PLXNC1: variants seen among roughly 807,000 people sequenced by gnomAD.
PLXNC1 encodes the protein plexin C1.
In PLXNC1, 75 loss-of-function variants were observed where a neutral mutation model predicts 178.2. The observed-to-expected ratio is 0.42, with a 90% CI of 0.35 to 0.51. The LOEUF (loss-of-function observed/expected upper bound fraction) is 0.51. Among genes scored for constraint, PLXNC1 ranks in the 20% least tolerant of loss-of-function variants. The pLI is 0.02. For missense variants in PLXNC1, 1,503 were observed against 1,984.4 expected, an observed-to-expected ratio of 0.76 and a Z score of 4.61; for synonymous variants, 790 against 779.9, an observed-to-expected ratio of 1.01 and a Z score of -0.22.
intron 12 of PLXNC1, 109 bp downstream of exon 12, chr12:94,244,134 A>C (rs1290960872): frequency 1.7e-6 from 1 of 573,428 alleles, no homozygotes; most frequent in East Asian, 2.8e-5. Context: ...TTGGTGTTAT[A>C]AACTTTTACC....
chr12:94,224,215 C>T lies in PLXNC1; in HGVS notation c.1703-13C>T. 1 of 1,508,712 alleles carries T rather than the reference C, an allele frequency of 6.6e-7. No homozygotes were observed. The highest frequency in any genetic ancestry group is 9.2e-7 in the Non-Finnish European group (1 of 1,083,960). 93.5% of individuals were successfully genotyped at this position (1,508,712 alleles called of 1,614,324 possible). On this transcript the variant is annotated splice_polypyrimidine_tract_variant and intron_variant, in intron 6 of 30. Transcript: ENST00000258526. ...ACTCCACCGTAAATGACATTTTCCC[C>T]CCTTCCCTCCAGATGTTTCAGTTGT...
At chr12:94,177,032 A>T (rs1170932331) in intron 2 of PLXNC1, among the ~76,000 whole-genome samples, 1 of 148,714 alleles carries the variant, frequency 6.7e-6, no homozygotes, top group Non-Finnish European at 1.5e-5. Context: ...TGCTACAATG[A>T]ATATATGTCA....
rs1969061436 is a variant in PLXNC1 at position 94,306,738 on chromosome 12, A to G, written c.*1453A>G. 2.0e-5 allele frequency: 3 copies of G among 152,158 alleles called. No homozygotes were observed. The highest frequency in any genetic ancestry group is 2.0e-4 in the Admixed American group (3 of 15,232). The allele number at this position is 152,158 out of a possible 1,614,324, so 9.4% of individuals were successfully genotyped here. On this transcript the variant is annotated 3_prime_UTR_variant, in exon 31 of 31. Transcript: ENST00000258526. Reference sequence around the variant, plus strand: ...TAAATATGAATTTGTCTTAAAGGCAATTCCTTTTTGCTTCTGTATTATCTG... The same window carrying G: ...TAAATATGAATTTGTCTTAAAGGCAGTTCCTTTTTGCTTCTGTATTATCTG...
chr12:94,294,893 C>T (rs977907327), intron 24 of PLXNC1, among the ~76,000 whole-genome samples: 1 of 152,136 alleles, frequency 6.6e-6, no homozygotes, highest in East Asian at 1.9e-4. Flanking sequence ...AGAGTACAGA[C>T]AATCATCACA....
chr12:94,261,407 G>T, intron 20 of PLXNC1, among the ~76,000 whole-genome samples: 1 of 152,176 alleles, frequency 6.6e-6, no homozygotes, highest in Non-Finnish European at 1.5e-5. Context: ...AAGAGGGTGG[G>T]CCCTAAAGTC....
chr12:94,304,087 A>G, intron 30 of PLXNC1, 36 bp downstream of exon 30: 2 of 1,262,130 alleles, frequency 1.6e-6, no homozygotes, highest in Non-Finnish European at 2.3e-6. Context: ...TAACCTTTGA[A>G]TCAGGCACAA....
intron 6 of PLXNC1, among the ~76,000 whole-genome samples, chr12:94,222,678 T>G (rs1179404895): frequency 2.0e-5 from 3 of 152,162 alleles, no homozygotes; most frequent in African/African-American, 4.8e-5. Context: ...TTCATTTCCT[T>G]GTGATATTTC....
Position 94,226,668 on chromosome 12 carries a change from C to T in PLXNC1, c.1854C>T (p.Pro618=). 1.2e-6 allele frequency: 2 copies of T among 1,613,718 alleles called. No homozygotes were observed. Among genetic ancestry groups the T allele is most frequent in the Non-Finnish European group, 1.7e-6 (2 of 1,179,672 alleles). The change falls in exon 8 of 31, where the codon CCC becomes CCT. Residue 618 remains proline (P), a synonymous_variant. Coordinates refer to ENST00000258526, the MANE Select transcript of PLXNC1 (RefSeq NM_005761.3). ...WCKSARRCIH[P]FTACDPSDYE... is the part of the protein sequence containing the mutation. ...AAAGTGCAAGAAGGTGTATCCACCC[C>T]TTCACAGCTTGCGACCCTTCTGATT...
intron 15 of PLXNC1, among the ~76,000 whole-genome samples, chr12:94,253,990 A>C (rs1964771964): frequency 6.6e-6 from 1 of 152,204 alleles, no homozygotes; most frequent in Admixed American, 6.5e-5. Context: ...TAATTTCTAT[A>C]AGGAGGAGAA....
Position 94,304,111 on chromosome 12 carries a change from G to A in PLXNC1, c.4602+60G>A. 7 of 1,083,638 alleles carry A rather than the reference G, an allele frequency of 6.5e-6. No individual in the cohort carries two copies. The South Asian group carries it at 8.4e-5, about 13-fold the overall frequency. 67.1% of individuals were successfully genotyped at this position (1,083,638 alleles called of 1,614,324 possible). A position where few individuals can be genotyped will look rare whatever the true frequency, so the allele number is the denominator to read the frequency against. Reference sequence around the variant, plus strand: ...AATCAGGCACAAGGATGTGGTTATAGCATTCTGTCAGTTTCAGAACAGCTC... The same window carrying A: ...AATCAGGCACAAGGATGTGGTTATAACATTCTGTCAGTTTCAGAACAGCTC... On this transcript the variant is annotated intron_variant, in intron 30 of 30. Coordinates refer to ENST00000258526, the MANE Select transcript of PLXNC1 (RefSeq NM_005761.3).
At position 94,156,477 on chromosome 12, in the gene PLXNC1, C is replaced by CTTT. The variant is rs33995488; in HGVS notation, c.1062+6457_1062+6459dup. 6.7e-4 allele frequency among the ~76,000 whole-genome samples: 94 copies of CTTT among 140,162 alleles called. 2 individuals carry two copies. Among genetic ancestry groups the CTTT allele is most frequent in the South Asian group, 6.5e-3 (29 of 4,458 alleles). 92.0% of individuals were successfully genotyped at this position (140,162 alleles called of 152,430 possible). A position where few individuals can be genotyped will look rare whatever the true frequency, so the allele number is the denominator to read the frequency against. On this transcript the variant is annotated intron_variant, in intron 1 of 30. Transcript: ENST00000258526. The stretch of plus-strand genomic sequence containing the variant: ...GCCTGCCTTGATCCCCACTGTCTAT[C>CTTT]TTTTTTTTTTTTTTTCTTGAAACAG...
At chr12:94,301,337 T>C (rs1294781909) in intron 28 of PLXNC1, among the ~76,000 whole-genome samples, 2 of 152,224 alleles carry the variant, frequency 1.3e-5, no homozygotes, top group Non-Finnish European at 2.9e-5. Context: ...TAGAAAAATA[T>C]TCTATGGACA....
chr12:94,227,044 A>G (rs1199968879), intron 8 of PLXNC1, 105 bp from the exon 9 acceptor site: 31 of 837,926 alleles, frequency 3.7e-5, no homozygotes, highest in Non-Finnish European at 4.4e-5. Context: ...GGTTTAACCA[A>G]AAATAAATGT....
chr12:94,159,854 C>G (rs1430773053), intron 1 of PLXNC1, among the ~76,000 whole-genome samples: 1 of 152,078 alleles, frequency 6.6e-6, no homozygotes, highest in Non-Finnish European at 1.5e-5. Context: ...GCAGTGGTGA[C>G]AAATATGGAG....
chr12:94,263,279 G>A (rs1965052975), intron 20 of PLXNC1, among the ~76,000 whole-genome samples: 1 of 151,776 alleles, frequency 6.6e-6, no homozygotes, highest in Non-Finnish European at 1.5e-5. Context: ...TGGCAGCTCT[G>A]TAGGTCTAGA....
intron 4 of PLXNC1, among the ~76,000 whole-genome samples, chr12:94,188,060 G>A (rs1592746727): frequency 1.3e-5 from 2 of 152,034 alleles, no homozygotes; most frequent in Non-Finnish European, 1.5e-5. Context: ...AAAGAAAGGA[G>A]GAGGAAGTGA....
chr12:94,149,589 G>T lies in PLXNC1; in HGVS notation c.618G>T (p.Ala206=), dbSNP rs756300206. 32 of 1,572,738 alleles carry T rather than the reference G, an allele frequency of 2.0e-5. No individual in the cohort carries two copies. ...CATCCGACCACGACACGGCCATCGC[G>T]CTCAAGGACACGGAGGGGCGCAGCC... ...PAASDHDTAI[A]LKDTEGRSLA... Residue 206 remains alanine (A), a synonymous_variant, in exon 1 of 31, where the codon GCG becomes GCT. Coordinates refer to ENST00000258526, the MANE Select transcript of PLXNC1 (RefSeq NM_005761.3).
intron 7 of PLXNC1, among the ~76,000 whole-genome samples, chr12:94,224,945 A>G (rs1274459075): frequency 6.6e-6 from 1 of 152,170 alleles, no homozygotes; most frequent in Non-Finnish European, 1.5e-5. Context: ...TCTGATTGGA[A>G]TGGCTTCGGG....
chr12:94,177,306 A>G (rs1360654456), intron 2 of PLXNC1, among the ~76,000 whole-genome samples: 1 of 147,548 alleles, frequency 6.8e-6, no homozygotes, highest in Non-Finnish European at 1.5e-5. Flanking sequence ...TGTAATTTTG[A>G]TAGATGATGC....
Sources: allele counts gnomAD v4.1 joint callset (sites outside exome capture counted in the v4.1 genomes callset), GRCh38; gene constraint gnomAD v4.1.1; transcripts MANE v1.5; gene names NCBI Gene and HGNC (gene_info 2026-07-23, HGNC 2026-07-21).